The following COL5A1 variants were observed in gnomAD, a reference collection of about 807,000 sequenced individuals.
COL5A1 encodes collagen alpha-1(V) chain.
A neutral mutation model predicts 263.7 loss-of-function variants in COL5A1; 16 were observed. That is an observed-to-expected ratio of 0.06 (90% confidence interval 0.04 to 0.09). The LOEUF (loss-of-function observed/expected upper bound fraction) is 0.09. COL5A1 is among the 10% of genes least tolerant of loss of function. The pLI, the probability that COL5A1 is intolerant of heterozygous loss-of-function variation, is 1.00. For missense variants in COL5A1, 2,036 were observed against 2,540.5 expected (o/e 0.80, Z 4.27); for synonymous variants, 1,012 against 1,004.5 (o/e 1.01, Z -0.14).
chr9:134,741,152 G>A lies in COL5A1; in HGVS notation c.1494+2344G>A, dbSNP rs1835288449. 6.6e-6 allele frequency among the ~76,000 whole-genome samples: 1 copy of A among 152,224 alleles called. No homozygotes were observed. Among genetic ancestry groups the A allele is most frequent in the African/African-American group, 2.4e-5 (1 of 41,464 alleles). On this transcript the variant is annotated intron_variant, in intron 11 of 65. Coordinates refer to ENST00000371817, the MANE Select transcript of COL5A1 (RefSeq NM_000093.5). This position sits in a 1 kb window ranked among gnomAD's most constrained non-coding sequence, Gnocchi z 4.5. Reference sequence around the variant, plus strand: ...CAGCTGTGAAAGATCACTGGCTATGGGGTGAGGCCCTGCAGTGCAGCCTGC... The same window carrying A: ...CAGCTGTGAAAGATCACTGGCTATGAGGTGAGGCCCTGCAGTGCAGCCTGC...
chr9:134,763,942 C>G (rs1337012990), intron 20 of COL5A1, among the ~76,000 whole-genome samples: 2 of 150,404 alleles, frequency 1.3e-5, no homozygotes, highest in Non-Finnish European at 2.9e-5. Flanking sequence ...AGGAGGAAGT[C>G]TGAGCCTGCC....
At chr9:134,806,908 C>G (rs1339219803) in intron 42 of COL5A1, among the ~76,000 whole-genome samples, 1 of 152,170 alleles carries the variant, frequency 6.6e-6, no homozygotes, top group Admixed American at 6.5e-5. Flanking sequence ...TGCTGGTAAG[C>G]CCCGAATTTT....
intron 64 of COL5A1, among the ~76,000 whole-genome samples, 169 bp from the exon 65 acceptor site, chr9:134,834,802 A>T (rs1457987828): frequency 6.6e-6 from 1 of 152,206 alleles, no homozygotes; most frequent in East Asian, 1.9e-4. Context: ...GGAACACGCA[A>T]GAGAGCCCAT....
chr9:134,823,279 G>GC lies in COL5A1; in HGVS notation c.4645-135dup. The GC allele has an allele frequency of 2.8e-6, 3 of 1,063,062 alleles. No homozygotes were observed. In the East Asian group the frequency reaches 7.1e-5, roughly 25 times the overall value. The allele number at this position is 1,063,062 out of a possible 1,614,324, so 65.9% of individuals were successfully genotyped here. A position where few individuals can be genotyped will look rare whatever the true frequency, so the allele number is the denominator to read the frequency against. On this transcript the variant is annotated intron_variant, in intron 60 of 65. Coordinates refer to ENST00000371817, the MANE Select transcript of COL5A1 (RefSeq NM_000093.5). Reference sequence around the variant, plus strand: ...GATCCAGGAGGGTACAGGGGTCTCTGCCATTCTCTTCTCTGCTGTGGCTGA... The same window carrying GC: ...GATCCAGGAGGGTACAGGGGTCTCTGCCCATTCTCTTCTCTGCTGTGGCTGA...
At chr9:134,748,807 C>T (rs914891614) in intron 11 of COL5A1, among the ~76,000 whole-genome samples, 5 of 152,210 alleles carry the variant, frequency 3.3e-5, no homozygotes, top group Admixed American at 1.3e-4. Flanking sequence ...ACCAATCCAA[C>T]GTGCATCGGC....
intron 1 of COL5A1, among the ~76,000 whole-genome samples, chr9:134,657,992 C>G (rs565798958): frequency 1.4e-4 from 21 of 151,912 alleles, no homozygotes; most frequent in African/African-American, 4.8e-4. Context: ...AGGGATGGGC[C>G]GGGCACGGAG....
rs1442638321 is a variant in COL5A1 at position 134,815,983 on chromosome 9, C to G, written c.4117C>G (p.Gln1373Glu). 6.2e-7 allele frequency: 1 copy of G among 1,614,082 alleles called. No homozygotes were observed. The highest frequency in any genetic ancestry group is 8.5e-7 in the Non-Finnish European group (1 of 1,180,012). ...CAAAGGAGATGATGGTGAACCCGGG[C>G]AGACGGTGAGTCCACAATCTGGGCT... ...GDKGDDGEPG[Q>E]TGSPGPTGEP... The change falls in exon 52 of 66, where the codon CAG (glutamine) becomes GAG (glutamate). Residue 1373 changes from glutamine to glutamate, a missense_variant. Coordinates refer to ENST00000371817, the MANE Select transcript of COL5A1 (RefSeq NM_000093.5).
At chr9:134,810,584 G>A (rs1838487218) in intron 44 of COL5A1, 2 of 467,926 alleles carry the variant, frequency 4.3e-6, no homozygotes, top group Admixed American at 7.3e-5. Context: ...GAGGGCTTGG[G>A]TTCTGCAGAC....
intron 62 of COL5A1, 123 bp from the exon 63 acceptor site, chr9:134,825,669 T>C: frequency 1.5e-6 from 1 of 672,922 alleles, no homozygotes; most frequent in Non-Finnish European, 2.8e-6. Flanking sequence ...AAGGCCCGTG[T>C]TGGCGGCATT....
chr9:134,660,445 A>G (rs1832167669), intron 1 of COL5A1, among the ~76,000 whole-genome samples: 1 of 152,238 alleles, frequency 6.6e-6, no homozygotes, highest in South Asian at 2.1e-4. Flanking sequence ...ATGCTGCTGC[A>G]TATGTGGTCT....
chr9:134,787,268 A>C (rs1837494099), intron 31 of COL5A1, among the ~76,000 whole-genome samples: 1 of 152,216 alleles, frequency 6.6e-6, no homozygotes, highest in Non-Finnish European at 1.5e-5. Flanking sequence ...CTGGGCAGAG[A>C]CTAGAAGTAG....
chr9:134,839,573 T>G (rs1319989455), intron 65 of COL5A1, among the ~76,000 whole-genome samples: 1 of 152,200 alleles, frequency 6.6e-6, no homozygotes, highest in Non-Finnish European at 1.5e-5. Flanking sequence ...CTTGCTGACC[T>G]GTCGCCGAGC....
At chr9:134,735,468 G>T (rs1468217320) in intron 9 of COL5A1, among the ~76,000 whole-genome samples, 2 of 148,662 alleles carry the variant, frequency 1.3e-5, no homozygotes, top group South Asian at 4.5e-4. Flanking sequence ...GGCGTCCGTG[G>T]TTGGGTGGGC....
At chr9:134,752,528 C>T in intron 13 of COL5A1, 61 bp from the exon 14 acceptor site, 1 of 1,334,114 alleles carries the variant, frequency 7.5e-7, no homozygotes. Context: ...GGCTCAGGCG[C>T]CAGCAAACCG....
intron 4 of COL5A1, among the ~76,000 whole-genome samples, chr9:134,717,026 C>A (rs556445278): frequency 6.6e-6 from 1 of 152,350 alleles, no homozygotes; most frequent in South Asian, 2.1e-4. Flanking sequence ...ATTATTTAGA[C>A]CTCACTGGCT....
At chr9:134,693,825 G>A (rs1833368902) in intron 2 of COL5A1, among the ~76,000 whole-genome samples, 2 of 152,226 alleles carry the variant, frequency 1.3e-5, no homozygotes, top group African/African-American at 2.4e-5. Context: ...AGTGCTCAGT[G>A]TGTAGGGGCC....
In COL5A1 at chr9:134,758,667, G is replaced by T. The variant is rs1056563648; in HGVS notation, c.1935+371G>T. Among the ~76,000 whole-genome samples the T allele has an allele frequency of 1.3e-5, 2 of 152,162 alleles. No homozygotes were observed. Among genetic ancestry groups the T allele is most frequent in the Non-Finnish European group, 2.9e-5 (2 of 68,024 alleles). ...CAGCTGCCATTTCAGGGGCGGCCAA[G>T]GACACTTTGCAATATTAAAGTGGTG... On this transcript the variant is annotated intron_variant, in intron 18 of 65. Coordinates refer to ENST00000371817, the MANE Select transcript of COL5A1 (RefSeq NM_000093.5). The surrounding 1 kb of genome is among the most constrained non-coding windows in gnomAD (Gnocchi z 4.1).
chr9:134,739,003 A>G (rs1265610654), intron 11 of COL5A1, among the ~76,000 whole-genome samples, 195 bp downstream of exon 11: 2 of 152,084 alleles, frequency 1.3e-5, no homozygotes, highest in African/African-American at 4.8e-5. Context: ...GGCTATGGGG[A>G]GAGTGGGGCC....
chr9:134,811,313 C>T (rs1838514420), intron 44 of COL5A1, 26 bp from the exon 45 acceptor site: 2 of 1,612,340 alleles, frequency 1.2e-6, no homozygotes, highest in Admixed American at 1.7e-5. Context: ...AAGAAGCTAC[C>T]TATGTCTCTG....
Sources: gnomAD v4.1 joint callset for allele counts (sites outside exome capture counted in the v4.1 genomes callset) on GRCh38, gnomAD v4.1.1 for gene constraint, Gnocchi (gnomAD v3.1) non-coding constraint, MANE v1.5 for transcripts, NCBI Gene and HGNC (gene_info 2026-07-23, HGNC 2026-07-21) for gene names.